The following KMT5B variants were observed in gnomAD, a reference collection of about 807,000 sequenced individuals.
The protein encoded by KMT5B is histone-lysine N-methyltransferase KMT5B.
A neutral mutation model predicts 83.2 loss-of-function variants in KMT5B; 10 were observed. That is an observed-to-expected ratio of 0.12 (90% CI 0.07 to 0.20). The LOEUF (loss-of-function observed/expected upper bound fraction) is 0.20. KMT5B is among the 10% of genes least tolerant of loss of function. KMT5B has a pLI of 1.00. For synonymous variants in KMT5B, 349 were observed against 388.8 expected (o/e 0.90, Z 1.20); for missense variants, 753 against 1,067.2 (o/e 0.71, Z 4.10).
intron 10 of KMT5B, chr11:68,166,545 C>A (rs1855337373): frequency 9.9e-7 from 1 of 1,008,306 alleles, no homozygotes; most frequent in Admixed American, 5.3e-5. Flanking sequence ...AGGTGGAAGC[C>A]TTAAGGCCAG....
intron 1 of KMT5B, among the ~76,000 whole-genome samples, chr11:68,207,568 G>A (rs549146613): frequency 7.6e-4 from 116 of 152,102 alleles, no homozygotes; most frequent in African/African-American, 2.6e-3. Context: ...CGAGGTGGGC[G>A]GATCACGAGG....
intron 6 of KMT5B, among the ~76,000 whole-genome samples, chr11:68,173,292 C>T (rs951542088): frequency 2.0e-5 from 3 of 152,132 alleles, no homozygotes; most frequent in East Asian, 1.9e-4. Flanking sequence ...CTGCCTGCCT[C>T]GGCCTCCCAA....
At chr11:68,169,925 T>C (rs1210400899) in intron 9 of KMT5B, among the ~76,000 whole-genome samples, 1 of 151,514 alleles carries the variant, frequency 6.6e-6, no homozygotes, top group East Asian at 1.9e-4. Context: ...TCAGCAGCAC[T>C]AGGAACTGGT....
chr11:68,167,018 T>C lies in KMT5B; in HGVS notation c.1138A>G (p.Thr380Ala). Residue 380 changes from threonine (T) to alanine (A), a missense_variant, in exon 10 of 11, where the codon ACT becomes GCT. Thr to Ala is a moderately conservative substitution (Grantham distance 58). Coordinates refer to ENST00000304363, the MANE Select transcript of KMT5B (RefSeq NM_017635.5). ...TTTTCCTGAGTGGTATCTGCATCAG[T>C]GTTAGAGCTGACAGATTGACTGTCT... is the stretch of plus-strand genomic sequence containing the variant. ...NSDSQSVSSN[T>A]DADTTQEKNN... The C allele has an allele frequency of 3.7e-6, 6 of 1,614,172 alleles. No homozygotes were observed. Among genetic ancestry groups the C allele is most frequent in the Non-Finnish European group, 5.1e-6 (6 of 1,180,008 alleles).
intron 9 of KMT5B, among the ~76,000 whole-genome samples, chr11:68,168,930 G>C (rs34148076): frequency 0.1 from 15,158 of 152,108 alleles, 832 homozygotes; most frequent in East Asian, 0.23. Context: ...TTAAGTAACT[G>C]TTCAGTTAAT....
rs1205673310 is a variant in KMT5B at position 68,156,499 on chromosome 11, AAACT to A, written c.*1185_*1188del. 9 of 152,774 alleles carry A rather than the reference AAACT, an allele frequency of 5.9e-5. No homozygotes were observed. The highest frequency in any genetic ancestry group is 4.6e-4 in the Admixed American group (7 of 15,308). 9.5% of individuals were successfully genotyped at this position (152,774 alleles called of 1,614,324 possible). A position where few individuals can be genotyped will look rare whatever the true frequency, so the allele number is the denominator to read the frequency against. On this transcript the variant is annotated 3_prime_UTR_variant, in exon 11 of 11. Transcript: ENST00000304363. ...TGATGTTTTCATAATAAACTAACATAAACTAACATAAGCCAAGAACTCCCACTGA... is the reference window on the plus strand; with the variant it reads ...TGATGTTTTCATAATAAACTAACATAAACATAAGCCAAGAACTCCCACTGA...
chr11:68,158,834 A>G lies in KMT5B; in HGVS notation c.1512T>C (p.Val504=). ...KEPEGPAQAA[V]ASGCLTRHAA... ...CGTGTCTAGTCAAGCACCCGCTGGC[A>G]ACTGCGGCTTGGGCTGGTCCCTCTG... Residue 504 remains valine (V), a synonymous_variant, in exon 11 of 11, where the codon GTT becomes GTC. Coordinates refer to ENST00000304363, the MANE Select transcript of KMT5B (RefSeq NM_017635.5). The G allele has an allele frequency of 6.2e-7, 1 of 1,614,180 alleles. No individual in the cohort carries two copies. Among genetic ancestry groups the G allele is most frequent in the Middle Eastern group, 1.7e-4 (1 of 6,058 alleles).
At chr11:68,199,284 T>C (rs1859116494) in intron 1 of KMT5B, among the ~76,000 whole-genome samples, 1 of 152,134 alleles carries the variant, frequency 6.6e-6, no homozygotes, top group South Asian at 2.1e-4. Context: ...AACGAATGAA[T>C]GTCGGCACCT....
At chr11:68,165,604 TG>T in intron 10 of KMT5B, 1 of 517,834 alleles carries the variant, frequency 1.9e-6, no homozygotes, top group Non-Finnish European at 2.8e-6. Context: ...CCCATGTAGC[TG>T]GGGCTACAGG....
chr11:68,158,454 G>T lies in KMT5B; in HGVS notation c.1892C>A (p.Pro631Gln). 6.2e-7 allele frequency: 1 copy of T among 1,614,102 alleles called. No individual in the cohort carries two copies. The highest frequency in any genetic ancestry group is 1.1e-5 in the South Asian group (1 of 91,076). Reference protein sequence around the residue: ...KQFAKIEESTPVHDSPGKDDA... With the variant: ...KQFAKIEESTQVHDSPGKDDA... ...GTCTTTTCCAGGAGAATCGTGCACT[G>T]GAGTAGATTCCTCTATTTTTGCAAA... Residue 631 changes from proline to glutamine, a missense_variant, in exon 11 of 11, where the codon CCA (proline) becomes CAA (glutamine). Transcript: ENST00000304363.
In KMT5B at chr11:68,158,035, C is replaced by T. The variant is rs776848359; in HGVS notation, c.2311G>A (p.Gly771Ser). ...ATTTTTAATTTTGTAGAACTACTGC[C>T]TGATCCTGAGTTAAATCCATTATTA... is the stretch of plus-strand genomic sequence containing the variant. ...KLNNGFNSGS[G>S]SSSTKLKIQL... The change falls in exon 11 of 11, where the codon GGC becomes AGC. Residue 771 changes from glycine to serine, a missense_variant. Physicochemically the swap from Gly to Ser is moderately conservative, Grantham distance 56. Transcript: ENST00000304363. 1.2e-6 allele frequency: 2 copies of T among 1,614,140 alleles called. No homozygotes were observed. Among genetic ancestry groups the T allele is most frequent in the Non-Finnish European group, 1.7e-6 (2 of 1,180,036 alleles).
At chr11:68,165,699 C>A (rs1178475640) in intron 10 of KMT5B, 12 of 1,357,400 alleles carry the variant, frequency 8.8e-6, no homozygotes, top group Non-Finnish European at 1.0e-5. Flanking sequence ...CACCAAGGAA[C>A]CAGACTCAGA....
chr11:68,210,429 G>A (rs1297646681), intron 1 of KMT5B, among the ~76,000 whole-genome samples: 2 of 152,200 alleles, frequency 1.3e-5, no homozygotes, highest in Non-Finnish European at 1.5e-5. Flanking sequence ...TGGCAGTGAA[G>A]TGTAAAAGAT....
intron 1 of KMT5B, among the ~76,000 whole-genome samples, chr11:68,196,763 A>T (rs145040729): frequency 7.2e-5 from 11 of 152,112 alleles, no homozygotes; most frequent in South Asian, 2.1e-4. Flanking sequence ...CCAGAGAAAA[A>T]GAACCAGGAC....
At chr11:68,164,335 G>C (rs1353540330) in intron 10 of KMT5B, among the ~76,000 whole-genome samples, 1 of 152,178 alleles carries the variant, frequency 6.6e-6, no homozygotes, top group Non-Finnish European at 1.5e-5. Flanking sequence ...ATAAAGATGA[G>C]CAGCCACACA....
intron 9 of KMT5B, among the ~76,000 whole-genome samples, chr11:68,167,391 T>C (rs1855410691): frequency 6.6e-6 from 1 of 151,972 alleles, no homozygotes; most frequent in African/African-American, 2.4e-5. Context: ...ATAAAACAAC[T>C]TGTTATGACT....
chr11:68,157,942 A>G lies in KMT5B; in HGVS notation c.2404T>C (p.Cys802Arg). The G allele has an allele frequency of 1.2e-6, 2 of 1,614,188 alleles. No individual in the cohort carries two copies. The highest frequency in any genetic ancestry group is 1.7e-6 in the Non-Finnish European group (2 of 1,180,028). Reference sequence around the variant, plus strand: ...TCCAAGAGAGAAAGAGGATCACTGCAGCACACCCCATTTTCATGAAGCCCC... The same window carrying G: ...TCCAAGAGAGAAAGAGGATCACTGCGGCACACCCCATTTTCATGAAGCCCC... ...TEGLHENGVC[C>R]SDPLSLLESR... is the part of the protein sequence containing the mutation. The change falls in exon 11 of 11, where the codon TGC becomes CGC. Residue 802 changes from cysteine to arginine, a missense_variant. This residue lies in a region of KMT5B where 161 missense variants were observed against 195.1 expected (regional missense o/e 0.83). Coordinates refer to ENST00000304363, the MANE Select transcript of KMT5B (RefSeq NM_017635.5).
At chr11:68,207,072 C>G (rs903715364) in intron 1 of KMT5B, among the ~76,000 whole-genome samples, 7 of 151,920 alleles carry the variant, frequency 4.6e-5, no homozygotes, top group African/African-American at 1.7e-4. Context: ...GAAACCCCGT[C>G]TCCACTAAAA....
chr11:68,176,830 CCATT>C (rs1856434184), intron 4 of KMT5B: 1 of 151,916 alleles, frequency 6.6e-6, no homozygotes, highest in African/African-American at 2.4e-5. Flanking sequence ...TCACCGATTG[CCATT>C]CAAATAAAAT....
Sources: gnomAD v4.1 joint callset for allele counts (sites outside exome capture counted in the v4.1 genomes callset) on GRCh38, gnomAD v4.1.1 for gene constraint, gnomAD v4.1.1 regional missense constraint, MANE v1.5 for transcripts, NCBI Gene and HGNC (gene_info 2026-07-23, HGNC 2026-07-21) for gene names.